Variants in FRYL observed in about 807,000 individuals in gnomAD.
The protein encoded by FRYL is protein furry homolog-like.
In FRYL, 150 loss-of-function variants were observed where a neutral mutation model predicts 351.2. The observed-to-expected ratio is 0.43, with a 90% confidence interval of 0.37 to 0.49. The LOEUF (loss-of-function observed/expected upper bound fraction) is 0.49. FRYL is among the 20% of genes least tolerant of loss of function. The pLI is 0.00. For missense variants in FRYL, 3,036 were observed against 3,619.3 expected (o/e 0.84, Z 4.13); for synonymous variants, 1,153 against 1,257.1 (o/e 0.92, Z 1.75).
At chr4:48,588,202 G>A (rs1281327671) in intron 18 of FRYL, among the ~76,000 whole-genome samples, 1 of 152,170 alleles carries the variant, frequency 6.6e-6, no homozygotes, top group Non-Finnish European at 1.5e-5. Flanking sequence ...ACATTTTACA[G>A]AAATAGATAA....
At chr4:48,643,377 T>C (rs1157340914) in intron 3 of FRYL, among the ~76,000 whole-genome samples, 3 of 152,224 alleles carry the variant, frequency 2.0e-5, no homozygotes, top group African/African-American at 7.2e-5. Context: ...TTAGGCTGCT[T>C]TCCCTTCCAT....
chr4:48,741,156 C>G (rs1772014869), intron 1 of FRYL, among the ~76,000 whole-genome samples: 1 of 152,110 alleles, frequency 6.6e-6, no homozygotes, highest in South Asian at 2.1e-4. Flanking sequence ...GCCTGTGATC[C>G]CAGCACTTTA....
chr4:48,505,161 A>G (rs1293538871), intron 60 of FRYL, among the ~76,000 whole-genome samples: 1 of 152,180 alleles, frequency 6.6e-6, no homozygotes, highest in African/African-American at 2.4e-5. Flanking sequence ...TAACATGGAT[A>G]TATTATATCA....
At chr4:48,564,247 A>C in intron 30 of FRYL, 145 bp from the exon 31 acceptor site, 1 of 935,650 alleles carries the variant, frequency 1.1e-6, no homozygotes, top group Non-Finnish European at 1.5e-6. Flanking sequence ...CCTCCCTCTC[A>C]TTTTATTCAG....
intron 13 of FRYL, among the ~76,000 whole-genome samples, chr4:48,596,260 T>C (rs1300794170): frequency 3.3e-5 from 5 of 152,148 alleles, no homozygotes; most frequent in Non-Finnish European, 7.4e-5. Context: ...ATTATACTAG[T>C]ATTTCTAAGA....
chr4:48,638,645 G>C (rs1220614014), intron 3 of FRYL: 2 of 152,076 alleles, frequency 1.3e-5, no homozygotes, highest in Non-Finnish European at 2.9e-5. Flanking sequence ...CTACTATAAA[G>C]ACGCATGCAC....
intron 1 of FRYL, among the ~76,000 whole-genome samples, chr4:48,731,766 C>A (rs537898940): frequency 2.0e-4 from 31 of 152,258 alleles, no homozygotes; most frequent in African/African-American, 6.7e-4. Context: ...TTCCTTATAC[C>A]TTATACAAAA....
chr4:48,503,476 T>C (rs191451543), intron 60 of FRYL, among the ~76,000 whole-genome samples: 12 of 152,306 alleles, frequency 7.9e-5, no homozygotes, highest in Admixed American at 7.2e-4. Context: ...TTCAGAAACT[T>C]AACCCGACTA....
intron 3 of FRYL, among the ~76,000 whole-genome samples, chr4:48,639,152 A>G (rs1251326815): frequency 6.6e-6 from 1 of 152,162 alleles, no homozygotes; most frequent in Admixed American, 6.6e-5. Context: ...TTTTTAGTTT[A>G]GAAAGCAGGT....
At chr4:48,658,096 A>C (rs1759627257) in intron 3 of FRYL, among the ~76,000 whole-genome samples, 1 of 152,190 alleles carries the variant, frequency 6.6e-6, no homozygotes, top group Non-Finnish European at 1.5e-5. Flanking sequence ...AAATATTGCT[A>C]TTTAGATATG....
chr4:48,708,416 G>A (rs62309746), intron 2 of FRYL, among the ~76,000 whole-genome samples: 4 of 152,098 alleles, frequency 2.6e-5, no homozygotes, highest in Non-Finnish European at 4.4e-5. Flanking sequence ...GCAGTGAGCC[G>A]AGATCATGCC....
chr4:48,677,320 G>A (rs1052498711), intron 3 of FRYL, among the ~76,000 whole-genome samples: 2 of 151,762 alleles, frequency 1.3e-5, no homozygotes, highest in Non-Finnish European at 2.9e-5. Flanking sequence ...ACTTATTCTC[G>A]GTTGATTCTC....
intron 1 of FRYL, among the ~76,000 whole-genome samples, chr4:48,750,136 A>T (rs980469744): frequency 1.5e-5 from 2 of 132,898 alleles, no homozygotes; most frequent in South Asian, 2.4e-4. Flanking sequence ...TCCATCTATT[A>T]AAAAAAAAAA....
intron 2 of FRYL, among the ~76,000 whole-genome samples, chr4:48,701,364 T>G (rs971196789): frequency 6.6e-6 from 1 of 152,152 alleles, no homozygotes. Flanking sequence ...AATGATTTCA[T>G]ATGAGAAGGC....
chr4:48,575,175 T>C lies in FRYL; in HGVS notation c.2788A>G (p.Met930Val), dbSNP rs1160186698. ...HIVPMMRSES[M>V]EITESLVLGL... Reference sequence around the variant, plus strand: ...AGAACAAGGGATTCTGTGATTTCCATGCTCTCAGAACGCATCATTGGAACT... The same window carrying C: ...AGAACAAGGGATTCTGTGATTTCCACGCTCTCAGAACGCATCATTGGAACT... Residue 930 changes from methionine (M) to valine (V), a missense_variant, in exon 25 of 64, where the codon ATG becomes GTG. Around this residue, in one of 7 missense-constraint regions of FRYL, gnomAD observed 492 missense variants for 551.5 expected, o/e 0.89. Coordinates refer to ENST00000358350, the MANE Select transcript of FRYL (RefSeq NM_015030.2). The C allele has an allele frequency of 3.7e-6, 6 of 1,613,922 alleles. No individual in the cohort carries two copies. The Admixed American group carries it at 6.7e-5, about 18-fold the overall frequency.
At chr4:48,721,800 C>T (rs1769499955) in intron 1 of FRYL, among the ~76,000 whole-genome samples, 1 of 152,050 alleles carries the variant, frequency 6.6e-6, no homozygotes, top group African/African-American at 2.4e-5. Context: ...GCCACCACAC[C>T]CGGCTAATTT....
chr4:48,697,262 A>G (rs1361268462), intron 2 of FRYL, among the ~76,000 whole-genome samples: 1 of 152,144 alleles, frequency 6.6e-6, no homozygotes, highest in Non-Finnish European at 1.5e-5. Context: ...AATTTTACCT[A>G]AAATTTCCAT....
In FRYL at chr4:48,609,833, A is replaced by C; in HGVS notation, c.412-10T>G. The C allele has an allele frequency of 6.7e-7, 1 of 1,484,290 alleles. No homozygotes were observed. 91.9% of individuals were successfully genotyped at this position (1,484,290 alleles called of 1,614,324 possible). ...CAGGATGAACAGGAATCTAGAATTTAAAAAAATTATCAAGTAAGAGTTAAA... is the reference window on the plus strand; with the variant it reads ...CAGGATGAACAGGAATCTAGAATTTCAAAAAATTATCAAGTAAGAGTTAAA... On this transcript the variant is annotated splice_polypyrimidine_tract_variant and intron_variant, in intron 7 of 63. Coordinates refer to ENST00000358350, the MANE Select transcript of FRYL (RefSeq NM_015030.2).
chr4:48,523,088 T>C lies in FRYL; in HGVS notation c.7334A>G (p.Asn2445Ser), dbSNP rs756739191. 2 of 1,612,934 alleles carry C rather than the reference T, an allele frequency of 1.2e-6. No homozygotes were observed. The highest frequency in any genetic ancestry group is 1.7e-5 in the Admixed American group (1 of 59,986). The part of the protein sequence containing the change: ...LEDAEGESMD[N>S]FNWGVRRRSL... ...GCGCCTGCGAACTCCCCAGTTGAAA[T>C]TGTCCATACTTTCACCCTGGAAAAG... is the stretch of plus-strand genomic sequence containing the variant. The change falls in exon 54 of 64, where the codon AAT (asparagine) becomes AGT (serine). Residue 2445 changes from asparagine (N) to serine (S), a missense_variant. Coordinates refer to ENST00000358350, the MANE Select transcript of FRYL (RefSeq NM_015030.2).
Sources: allele counts gnomAD v4.1 joint callset (sites outside exome capture counted in the v4.1 genomes callset), GRCh38; gene constraint gnomAD v4.1.1; regional missense constraint gnomAD v4.1.1; transcripts MANE v1.5; gene names NCBI Gene and HGNC (gene_info 2026-07-23, HGNC 2026-07-21).